The following GNA11 variants were observed in gnomAD, a reference collection of about 807,000 sequenced individuals.
GNA11 encodes G protein subunit alpha 11.
In GNA11, 8 loss-of-function variants were observed where a neutral mutation model predicts 38.2. The ratio of observed to expected loss-of-function variants is 0.21; its 90% CI spans 0.12 to 0.38. GNA11 has a LOEUF of 0.38. GNA11 is among the 10% of genes least tolerant of loss of function. The pLI is 1.00. For synonymous variants in GNA11, 211 were observed against 221.4 expected, an observed-to-expected ratio of 0.95 and a Z score of 0.42; for missense variants, 268 against 516.3, an observed-to-expected ratio of 0.52 and a Z score of 4.66.
In GNA11 at chr19:3,121,325, A is replaced by T. The variant is rs1271214492; in HGVS notation, c.*146A>T. ...GATTTTTTTTTTTCATATTTTTAAC[A>T]AATGGTTTTTATTTCACAGTTATCA... is the stretch of plus-strand genomic sequence containing the variant. On this transcript the variant is annotated 3_prime_UTR_variant, in exon 7 of 7. Transcript: ENST00000078429. The T allele has an allele frequency of 3.3e-6, 2 of 599,352 alleles. No individual in the cohort carries two copies. The highest frequency in any genetic ancestry group is 2.1e-5 in the South Asian group (1 of 48,028). The allele number at this position is 599,352 out of a possible 1,614,324, so 37.1% of individuals were successfully genotyped here.
At chr19:3,112,025 A>G (rs308063) in intron 2 of GNA11, among the ~76,000 whole-genome samples, 58,187 of 152,102 alleles carry the variant, frequency 0.38, 12,149 homozygotes, top group Non-Finnish European at 0.48. Context: ...CTGCAGACTG[A>G]TTTTGTCGAT....
chr19:3,114,528 G>A (rs1913857194), intron 3 of GNA11, among the ~76,000 whole-genome samples: 1 of 152,122 alleles, frequency 6.6e-6, no homozygotes, highest in Admixed American at 6.5e-5. Context: ...CTGCAGCTGC[G>A]ACTCTCCTAA....
intron 4 of GNA11, among the ~76,000 whole-genome samples, chr19:3,115,641 G>A (rs976238482): frequency 6.6e-6 from 1 of 151,524 alleles, no homozygotes; most frequent in Non-Finnish European, 1.5e-5. Context: ...CCAGCATGGG[G>A]CTGGGGTCTG....
At chr19:3,101,344 G>GGATGAGT (rs1349598964) in intron 1 of GNA11, among the ~76,000 whole-genome samples, 1 of 152,168 alleles carries the variant, frequency 6.6e-6, no homozygotes, top group Admixed American at 6.5e-5. Flanking sequence ...CCACACTGTG[G>GGATGAGT]GATGAGTGCA....
chr19:3,113,508 G>A (rs750772916), intron 3 of GNA11, 24 bp downstream of exon 3: 22 of 1,535,912 alleles, frequency 1.4e-5, no homozygotes, highest in South Asian at 8.8e-5. Flanking sequence ...CACCGCTGGC[G>A]GCCTGGGGAC....
chr19:3,115,597 G>A (rs1046019234), intron 4 of GNA11, among the ~76,000 whole-genome samples: 2 of 151,790 alleles, frequency 1.3e-5, no homozygotes, highest in African/African-American at 2.4e-5. Context: ...ACATTTGACA[G>A]GGCCTCCAGG....
chr19:3,098,229 G>C (rs1409824588), intron 1 of GNA11, among the ~76,000 whole-genome samples: 1 of 152,232 alleles, frequency 6.6e-6, no homozygotes, highest in Non-Finnish European at 1.5e-5. Flanking sequence ...GACAGCTGTG[G>C]ATGGGTACAG....
rs2145300391 is a variant in GNA11, at chr19:3,094,755, A to G, written c.104A>G (p.Asp35Gly). 1.9e-6 allele frequency: 3 copies of G among 1,587,820 alleles called. No individual in the cohort carries two copies. The highest frequency in any genetic ancestry group is 2.6e-6 in the Non-Finnish European group (3 of 1,169,326). ...AAGCAGCTGCGGCGGGACAAGCGCG[A>G]CGCCCGGCGCGAGCTCAAGCTGCTG... ...IEKQLRRDKR[D>G]ARRELKLLLL... The change falls in exon 1 of 7, where the codon GAC becomes GGC. Residue 35 changes from aspartate (D) to glycine (G), a missense_variant. By Grantham distance (94) the Asp-to-Gly change is moderately conservative. Around this residue, in one of 3 missense-constraint regions of GNA11, gnomAD observed 151 missense variants for 254.0 expected, o/e 0.59. Transcript: ENST00000078429. The surrounding 1 kb of genome is among the most constrained non-coding windows in gnomAD (Gnocchi z 6.0).
Position 3,119,365 on chromosome 19 carries a change from C to T in GNA11, c.889+6C>T, listed in dbSNP as rs761737173. On this transcript the variant is annotated splice_donor_region_variant and intron_variant, in intron 6 of 6. Transcript: ENST00000078429. This position sits in a 1 kb window ranked among gnomAD's most constrained non-coding sequence, Gnocchi z 4.6. ...CTACTTCCCCGAGTTCGATGGTGCG[C>T]CGGGCTGCGGCATGGGGAGGGGCTC... is the stretch of plus-strand genomic sequence containing the variant. 1.9e-6 allele frequency: 3 copies of T among 1,612,624 alleles called. No individual in the cohort carries two copies. The highest frequency in any genetic ancestry group is 2.2e-5 in the East Asian group (1 of 44,864).
At chr19:3,107,197 C>G (rs1913660327) in intron 1 of GNA11, among the ~76,000 whole-genome samples, 1 of 152,194 alleles carries the variant, frequency 6.6e-6, no homozygotes. Context: ...GATTGCGCCA[C>G]TGCACTCCAG....
rs201368515 is a variant in GNA11 at position 3,121,069 on chromosome 19, A to T, written c.970A>T (p.Ile324Phe). 6.2e-7 allele frequency: 1 copy of T among 1,613,440 alleles called. No individual in the cohort carries two copies. Among genetic ancestry groups the T allele is most frequent in the Non-Finnish European group, 8.5e-7 (1 of 1,179,516 alleles). ...CCTGAACCCCGACAGCGACAAGATCATCTACTCACACTTCACGTGTGCCAC... is the reference window on the plus strand; with the variant it reads ...CCTGAACCCCGACAGCGACAAGATCTTCTACTCACACTTCACGTGTGCCAC... ...VDLNPDSDKIIYSHFTCATDT... is the reference protein window; with the variant it reads ...VDLNPDSDKIFYSHFTCATDT... The change falls in exon 7 of 7, where the codon ATC (isoleucine) becomes TTC (phenylalanine). Residue 324 changes from isoleucine to phenylalanine, a missense_variant. Transcript: ENST00000078429.
Position 3,094,737 on chromosome 19 carries a change from T to C in GNA11, c.86T>C (p.Leu29Pro). Reference sequence around the variant, plus strand: ...ATCAACGCCGAGATCGAGAAGCAGCTGCGGCGGGACAAGCGCGACGCCCGG... The same window carrying C: ...ATCAACGCCGAGATCGAGAAGCAGCCGCGGCGGGACAAGCGCGACGCCCGG... ...KRINAEIEKQ[L>P]RRDKRDARRE... The change falls in exon 1 of 7, where the codon CTG becomes CCG. Residue 29 changes from leucine to proline, a missense_variant. Transcript: ENST00000078429. This position sits in a 1 kb window ranked among gnomAD's most constrained non-coding sequence, Gnocchi z 6.0. 6.3e-7 allele frequency: 1 copy of C among 1,590,680 alleles called. No individual in the cohort carries two copies. The highest frequency in any genetic ancestry group is 8.5e-7 in the Non-Finnish European group (1 of 1,170,482).
Position 3,122,460 on chromosome 19 carries a change from C to T in GNA11, c.*1281C>T, listed in dbSNP as rs1040206251. The T allele has an allele frequency of 3.5e-4, 81 of 231,548 alleles. No individual in the cohort carries two copies. In the Middle Eastern group the frequency reaches 3.9e-3, roughly 11 times the overall value. 14.3% of individuals were successfully genotyped at this position (231,548 alleles called of 1,614,324 possible). A position where few individuals can be genotyped will look rare whatever the true frequency, so the allele number is the denominator to read the frequency against. On this transcript the variant is annotated 3_prime_UTR_variant, in exon 7 of 7. Transcript: ENST00000078429. The surrounding 1 kb of genome is among the most constrained non-coding windows in gnomAD (Gnocchi z 7.7). Reference sequence around the variant, plus strand: ...CGAGGGGGAGCCCGCCAGGCCACGCCGCACTGAGCCACAGCCCCGGGGGCC... The same window carrying T: ...CGAGGGGGAGCCCGCCAGGCCACGCTGCACTGAGCCACAGCCCCGGGGGCC...
chr19:3,123,033 A>G lies in GNA11; in HGVS notation c.*1854A>G, dbSNP rs1013954269. On this transcript the variant is annotated 3_prime_UTR_variant, in exon 7 of 7. Transcript: ENST00000078429. ...GTGTCTACCTAAGAGGGTTGGTGCC[A>G]GAAGCCCCCCATGGCGAGTGCTGGG... 3.0e-5 allele frequency: 7 copies of G among 233,030 alleles called. 1 individual carries two copies. The highest frequency in any genetic ancestry group is 3.6e-4 in the South Asian group (2 of 5,534). 14.4% of individuals were successfully genotyped at this position (233,030 alleles called of 1,614,324 possible).
intron 1 of GNA11, among the ~76,000 whole-genome samples, chr19:3,098,956 G>A (rs1214198739): frequency 2.6e-5 from 4 of 152,196 alleles, no homozygotes; most frequent in African/African-American, 4.8e-5. Flanking sequence ...GGCATGGTCC[G>A]GGAAGCTCCG....
intron 4 of GNA11, chr19:3,118,558 G>T (rs1247445760): frequency 4.3e-6 from 1 of 234,078 alleles, no homozygotes. Context: ...GAGGGGAAAG[G>T]CTTCTGTGCT....
chr19:3,109,398 T>G (rs1289997373), intron 1 of GNA11, among the ~76,000 whole-genome samples: 1 of 152,190 alleles, frequency 6.6e-6, no homozygotes, highest in African/African-American at 2.4e-5. Context: ...CTTTTCATCC[T>G]CTGGGGCCCT....
intron 1 of GNA11, among the ~76,000 whole-genome samples, chr19:3,109,706 G>C (rs1313035029): frequency 6.6e-6 from 1 of 152,184 alleles, no homozygotes; most frequent in Non-Finnish European, 1.5e-5. Flanking sequence ...GATGCCGTTG[G>C]GGTGAGTCCG....
intron 1 of GNA11, among the ~76,000 whole-genome samples, chr19:3,099,546 G>T (rs1340140346): frequency 6.6e-6 from 1 of 152,160 alleles, no homozygotes; most frequent in African/African-American, 2.4e-5. Flanking sequence ...CCGCCCGGGG[G>T]GCCTCCCACC....
Sources: gnomAD v4.1 joint callset for allele counts (sites outside exome capture counted in the v4.1 genomes callset) on GRCh38, gnomAD v4.1.1 for gene constraint, gnomAD v4.1.1 regional missense constraint, Gnocchi (gnomAD v3.1) non-coding constraint, MANE v1.5 for transcripts, NCBI Gene and HGNC (gene_info 2026-07-23, HGNC 2026-07-21) for gene names.